AGAP1: variants seen among roughly 807,000 people sequenced by gnomAD.
The protein encoded by AGAP1 is ArfGAP with GTPase domain, ankyrin repeat and PH domain 1.
Under a neutral mutation model 105.3 loss-of-function variants are expected in AGAP1, and 29 were observed. That is an observed-to-expected ratio of 0.28 (90% confidence interval 0.21 to 0.38). The LOEUF (loss-of-function observed/expected upper bound fraction) is 0.38. AGAP1 is among the 10% of genes least tolerant of loss of function. The pLI, the probability that AGAP1 is intolerant of heterozygous loss-of-function variation, is 1.00. For missense variants in AGAP1, 998 were observed against 1,165.1 expected (o/e 0.86, Z 2.09); for synonymous variants, 509 against 485.9 (o/e 1.05, Z -0.63).
rs58178600 is a variant in AGAP1, at chr2:236,090,734, T to TTTTTGTTTTG, written c.2115-29448_2115-29439dup. Among the ~76,000 whole-genome samples, 17,552 of 151,872 alleles carry TTTTTGTTTTG rather than the reference T, an allele frequency of 0.12. 1,757 individuals are homozygous for TTTTTGTTTTG. The highest frequency in any genetic ancestry group is 0.26 in the African/African-American group (10,843 of 41,286). On this transcript the variant is annotated intron_variant, in intron 16 of 17. Transcript: ENST00000304032. This position sits in a 1 kb window ranked among gnomAD's most constrained non-coding sequence, Gnocchi z 4.3. ...TTGGTGGTGGTTGTGTTTGTTTTGT[T>TTTTTGTTTTG]TTTTGTTTTGTTTTGTTTTTTTGAG...
At chr2:235,929,043 A>G (rs1320297067) in intron 11 of AGAP1, among the ~76,000 whole-genome samples, 1 of 152,160 alleles carries the variant, frequency 6.6e-6, no homozygotes. Flanking sequence ...AGCTCTCAGA[A>G]CATCAGGGCT....
chr2:235,773,972 T>C, intron 6 of AGAP1: 1 of 470,884 alleles, frequency 2.1e-6, no homozygotes, highest in Non-Finnish European at 4.4e-6. Flanking sequence ...CAGCCAACTT[T>C]TTTTCCCCCT....
chr2:235,827,875 T>C (rs1465884321), intron 9 of AGAP1, among the ~76,000 whole-genome samples: 2 of 152,186 alleles, frequency 1.3e-5, no homozygotes, highest in Non-Finnish European at 2.9e-5. Flanking sequence ...GTTGCTAGCA[T>C]GCCTGTGGGG....
intron 1 of AGAP1, among the ~76,000 whole-genome samples, chr2:235,617,223 C>G (rs1401398208): frequency 1.3e-5 from 2 of 152,148 alleles, no homozygotes; most frequent in African/African-American, 2.4e-5. Flanking sequence ...TAATAACTTT[C>G]AAAAACTAGG....
intron 1 of AGAP1, among the ~76,000 whole-genome samples, chr2:235,685,793 G>T (rs1313918924): frequency 6.6e-6 from 1 of 152,102 alleles, no homozygotes. Context: ...CAAGGTTGAG[G>T]ATGTGCGCTC....
At chr2:236,086,962 A>C (rs1333492089) in intron 16 of AGAP1, among the ~76,000 whole-genome samples, 2 of 147,354 alleles carry the variant, frequency 1.4e-5, no homozygotes, top group Admixed American at 7.2e-5. Context: ...TTGTGTGGCT[A>C]CTGAACAGTG....
intron 10 of AGAP1, among the ~76,000 whole-genome samples, chr2:235,902,182 G>A (rs781361386): frequency 6.6e-6 from 1 of 152,118 alleles, no homozygotes; most frequent in Non-Finnish European, 1.5e-5. Context: ...AGGTTGTTTT[G>A]GTTAGTCTTT....
chr2:235,764,641 T>TGATGGACGCACCTGGGAGCGCCCGTGG (rs1954761494), intron 6 of AGAP1, among the ~76,000 whole-genome samples: 1 of 143,454 alleles, frequency 7.0e-6, no homozygotes, highest in Admixed American at 7.3e-5. Flanking sequence ...TTCCCACCCC[T>TGATGGACGCACCTGGGAGCGCCCGTGG]GATGGGGGCA....
rs555676713 is a variant in AGAP1 at position 235,919,141 on chromosome 2, G to A, written c.1324+10235G>A. Among the ~76,000 whole-genome samples, 9 of 152,262 alleles carry A rather than the reference G, an allele frequency of 5.9e-5. No individual in the cohort carries two copies. Among genetic ancestry groups the A allele is most frequent in the African/African-American group, 2.2e-4 (9 of 41,560 alleles). ...TGTGGGAAAGAGGAGGTGCCCGGAA[G>A]AGCCTCTGTGAATTACCCGCGCCCC... On this transcript the variant is annotated intron_variant, in intron 11 of 17. Transcript: ENST00000304032. The surrounding 1 kb of genome is among the most constrained non-coding windows in gnomAD (Gnocchi z 4.1).
chr2:235,671,570 C>G (rs771094314), intron 1 of AGAP1, among the ~76,000 whole-genome samples: 22 of 152,184 alleles, frequency 1.4e-4, no homozygotes, highest in African/African-American at 5.1e-4. Context: ...ACTCCGTGGC[C>G]CTCGGTATTG....
At chr2:235,860,562 G>A (rs1467721854) in intron 9 of AGAP1, among the ~76,000 whole-genome samples, 1 of 152,122 alleles carries the variant, frequency 6.6e-6, no homozygotes, top group Non-Finnish European at 1.5e-5. Context: ...ATTCTCATTT[G>A]TGGAATTTCT....
rs144908736 is a variant in AGAP1 at position 236,120,385 on chromosome 2, C to T, written c.2308C>T (p.Arg770Cys). The T allele has an allele frequency of 1.8e-4, 287 of 1,611,378 alleles. No homozygotes were observed. The highest frequency in any genetic ancestry group is 4.0e-4 in the Middle Eastern group (2 of 4,986). The change falls in exon 17 of 18, where the codon CGC becomes TGC. Residue 770 changes from arginine (R) to cysteine (C), a missense_variant. By Grantham distance (180) the Arg-to-Cys change is radical (BLOSUM62 -3). Transcript: ENST00000304032. This position sits in a 1 kb window ranked among gnomAD's most constrained non-coding sequence, Gnocchi z 6.0. ...CGAGACCTGCGGGGAGGGAGACGGC[C>T]GCACGGCGCTGCATCTGGCCTGCCG... ...VNETCGEGDGRTALHLACRKG... is the reference protein window; with the variant it reads ...VNETCGEGDGCTALHLACRKG...
chr2:236,058,141 C>A lies in AGAP1; in HGVS notation c.2114+8860C>A, dbSNP rs146806024. ...GTGTGTTTTAACTCTCTAGGTAATT[C>A]TTATGCACATTAAAGTTTGAGACAC... On this transcript the variant is annotated intron_variant, in intron 16 of 17. Transcript: ENST00000304032. The surrounding 1 kb of genome is among the most constrained non-coding windows in gnomAD (Gnocchi z 4.6). Among the ~76,000 whole-genome samples the A allele has an allele frequency of 6.0e-4, 91 of 152,270 alleles. No individual in the cohort carries two copies. The Middle Eastern group carries it at 0.014, about 23-fold the overall frequency.
intron 11 of AGAP1, among the ~76,000 whole-genome samples, chr2:235,924,590 T>C (rs1196298178): frequency 6.6e-6 from 1 of 152,190 alleles, no homozygotes; most frequent in East Asian, 1.9e-4. Context: ...TCCTGGGTGA[T>C]GAGACTCCTG....
chr2:236,039,793 T>C (rs570224787), intron 14 of AGAP1, among the ~76,000 whole-genome samples: 64 of 152,340 alleles, frequency 4.2e-4, no homozygotes, highest in Non-Finnish European at 1.0e-4. Flanking sequence ...TGTATGTAGA[T>C]GTGCTTAAAC....
At chr2:236,029,370 G>T (rs894194070) in intron 13 of AGAP1, among the ~76,000 whole-genome samples, 1 of 151,480 alleles carries the variant, frequency 6.6e-6, no homozygotes, top group Non-Finnish European at 1.5e-5. Context: ...CCGCCTCCCA[G>T]GTTCAAGTGA....
intron 13 of AGAP1, among the ~76,000 whole-genome samples, chr2:235,986,204 C>T (rs2055308692): frequency 6.6e-6 from 1 of 151,928 alleles, no homozygotes; most frequent in South Asian, 2.1e-4. Context: ...TAGTTGTATT[C>T]CCAGGTATTT....
At chr2:235,646,663 C>T (rs1341830865) in intron 1 of AGAP1, among the ~76,000 whole-genome samples, 2 of 152,224 alleles carry the variant, frequency 1.3e-5, no homozygotes, top group Admixed American at 1.3e-4. Context: ...TCTCTGACTT[C>T]TCCATCTTTC....
In AGAP1 at chr2:235,552,398, G is replaced by A. The variant is rs1943843012; in HGVS notation, c.163+57549G>A. On this transcript the variant is annotated intron_variant, in intron 1 of 17. Transcript: ENST00000304032. The surrounding 1 kb of genome is among the most constrained non-coding windows in gnomAD (Gnocchi z 5.9). ...AGTGGGATTTCATTATGTGTTTAAG[G>A]CTTGGCATTGTTGGAGGTCAGGAAG... Among the ~76,000 whole-genome samples the A allele has an allele frequency of 6.6e-6, 1 of 152,192 alleles. No individual in the cohort carries two copies. Among genetic ancestry groups the A allele is most frequent in the Non-Finnish European group, 1.5e-5 (1 of 68,032 alleles).
Sources: gnomAD v4.1 joint callset for allele counts (sites outside exome capture counted in the v4.1 genomes callset) on GRCh38, gnomAD v4.1.1 for gene constraint, Gnocchi (gnomAD v3.1) non-coding constraint, MANE v1.5 for transcripts, NCBI Gene and HGNC (gene_info 2026-07-23, HGNC 2026-07-21) for gene names.